LAD1: variants seen among roughly 807,000 people sequenced by gnomAD.
The protein encoded by LAD1 is ladinin-1.
A neutral mutation model predicts 54.2 loss-of-function variants in LAD1; 53 were observed. That is an observed-to-expected ratio of 0.98 (90% CI 0.78 to 1.23). The LOEUF (loss-of-function observed/expected upper bound fraction) is 1.23. LAD1 is among the 50% of genes most tolerant of loss of function. The probability of loss-of-function intolerance (pLI) is 0.00; values close to 1 mark genes in which losing one functional copy is unlikely to be tolerated. For synonymous variants in LAD1, 231 were observed against 257.7 expected (o/e 0.90, Z 0.99); for missense variants, 637 against 653.3 (o/e 0.98, Z 0.27).
chr1:201,391,709 C>G (rs1009247789), intron 1 of LAD1, among the ~76,000 whole-genome samples: 17 of 152,158 alleles, frequency 1.1e-4, no homozygotes, highest in African/African-American at 3.6e-4. Flanking sequence ...CGGGCTGCAT[C>G]TCAGTGAACA....
intron 1 of LAD1, among the ~76,000 whole-genome samples, chr1:201,397,031 C>CCCAG (rs1662302968): frequency 6.6e-6 from 1 of 152,182 alleles, no homozygotes; most frequent in Non-Finnish European, 1.5e-5. Context: ...GACCAGGGCA[C>CCCAG]CCAGCCAGCC....
chr1:201,389,112 G>A, intron 2 of LAD1, 48 bp downstream of exon 2: 2 of 1,588,858 alleles, frequency 1.3e-6, no homozygotes, highest in South Asian at 1.1e-5. Context: ...CTTAGTCTGA[G>A]GCAACCAGTC....
rs566391916 is a variant in LAD1, at chr1:201,385,204, T to A, written c.1132-369A>T. Among the ~76,000 whole-genome samples, 5 of 152,202 alleles carry A rather than the reference T, an allele frequency of 3.3e-5. No homozygotes were observed. The South Asian group carries it at 1.0e-3, about 32-fold the overall frequency. ...CACACATTAGAGGCATGATACCCAA[T>A]GATTGAGTGAATGACCCAGTGAACA... On this transcript the variant is annotated intron_variant, in intron 4 of 9. Transcript: ENST00000391967.
chr1:201,396,422 A>G (rs1481935821), intron 1 of LAD1, among the ~76,000 whole-genome samples: 4 of 151,954 alleles, frequency 2.6e-5, no homozygotes. Context: ...CTACCCTGGG[A>G]ACTTTCTTCC....
Position 201,382,516 on chromosome 1 carries a change from T to TGAAATGACTCCTCCTCTCCC in LAD1, c.1473+117_1473+136dup, listed in dbSNP as rs3831363. Reference sequence around the variant, plus strand: ...ATCTATTCCCGACTGCCTCCACTCCTGAAATGACTCCTCCTCTCCCGAAAT... The same window carrying TGAAATGACTCCTCCTCTCCC: ...ATCTATTCCCGACTGCCTCCACTCCTGAAATGACTCCTCCTCTCCCGAAATGACTCCTCCTCTCCCGAAAT... On this transcript the variant is annotated intron_variant, in intron 8 of 9. Coordinates refer to ENST00000391967, the MANE Select transcript of LAD1 (RefSeq NM_005558.4). 1,951 of 795,826 alleles carry TGAAATGACTCCTCCTCTCCC rather than the reference T, an allele frequency of 2.5e-3. 37 individuals carry two copies. Among genetic ancestry groups the TGAAATGACTCCTCCTCTCCC allele is most frequent in the African/African-American group, 0.023 (1,296 of 56,732 alleles). 49.3% of individuals were successfully genotyped at this position (795,826 alleles called of 1,614,324 possible). A position where few individuals can be genotyped will look rare whatever the true frequency, so the allele number is the denominator to read the frequency against.
At chr1:201,398,736 C>G (rs1430352331) in intron 1 of LAD1, among the ~76,000 whole-genome samples, 3 of 152,178 alleles carry the variant, frequency 2.0e-5, no homozygotes, top group Non-Finnish European at 4.4e-5. Flanking sequence ...GATGCCACCC[C>G]AAAATGCCAT....
chr1:201,392,840 G>A (rs1224599404), intron 1 of LAD1, among the ~76,000 whole-genome samples: 2 of 151,960 alleles, frequency 1.3e-5, no homozygotes, highest in Non-Finnish European at 2.9e-5. Flanking sequence ...CAGAGGACCC[G>A]TCAGAAGGCA....
chr1:201,386,416 C>T lies in LAD1; in HGVS notation c.945G>A (p.Gly315=), dbSNP rs758986811. ...GCTTTGCCAAAGAGGGCAGGTTCTT[C>T]CCAGGGAGGGCCCTTCCTCTCTGCT... The part of the protein sequence containing the change: ...TKEQRGRALP[G]KNLPSLAKQG... Residue 315 remains glycine (G), a synonymous_variant, in exon 3 of 10, where the codon GGG becomes GGA. Transcript: ENST00000391967. 13 of 1,527,284 alleles carry T rather than the reference C, an allele frequency of 8.5e-6. No individual in the cohort carries two copies. The highest frequency in any genetic ancestry group is 1.3e-5 in the South Asian group (1 of 74,956). The allele number at this position is 1,527,284 out of a possible 1,614,324, so 94.6% of individuals were successfully genotyped here.
intron 1 of LAD1, among the ~76,000 whole-genome samples, chr1:201,396,216 T>G (rs1662286366): frequency 6.6e-6 from 1 of 151,572 alleles, no homozygotes; most frequent in Non-Finnish European, 1.5e-5. Flanking sequence ...ACTCCTTCCC[T>G]CTAGACAACC....
At chr1:201,394,746 G>A (rs1274781408) in intron 1 of LAD1, among the ~76,000 whole-genome samples, 2 of 152,134 alleles carry the variant, frequency 1.3e-5, no homozygotes, top group Non-Finnish European at 2.9e-5. Context: ...GATGCACCCC[G>A]TCCCTTGTCC....
At chr1:201,386,048 C>G (rs1662078101) in intron 3 of LAD1, among the ~76,000 whole-genome samples, 1 of 152,188 alleles carries the variant, frequency 6.6e-6, no homozygotes, top group Non-Finnish European at 1.5e-5. Context: ...CCCCACTAGT[C>G]TGCCGGGGTC....
chr1:201,382,315 T>C lies in LAD1; in HGVS notation c.1485A>G (p.Lys495=), dbSNP rs779592814. The change falls in exon 9 of 10, where the codon AAA becomes AAG. Residue 495 remains lysine (K), a synonymous_variant. Coordinates refer to ENST00000391967, the MANE Select transcript of LAD1 (RefSeq NM_005558.4). ...SGDQDPQEAQ[K]ASSATERTQW... ...GAGTCCTCTCGGTTGCAGATGATGCTTTCTGTGCCTCCTGATTGAGGGTAT... is the reference window on the plus strand; with the variant it reads ...GAGTCCTCTCGGTTGCAGATGATGCCTTCTGTGCCTCCTGATTGAGGGTAT... 2.9e-5 allele frequency: 47 copies of C among 1,613,404 alleles called. No homozygotes were observed. The highest frequency in any genetic ancestry group is 1.7e-4 in the Admixed American group (10 of 60,002).
intron 1 of LAD1, among the ~76,000 whole-genome samples, chr1:201,395,044 GA>G (rs1662264291): frequency 6.6e-6 from 1 of 152,172 alleles, no homozygotes; most frequent in Non-Finnish European, 1.5e-5. Context: ...AGAACCCAGG[GA>G]TCCTTGAGTG....
rs544711929 is a variant in LAD1, at chr1:201,382,517, G to A, written c.1473+136C>T. 4 of 746,918 alleles carry A rather than the reference G, an allele frequency of 5.4e-6. No homozygotes were observed. The Admixed American group carries it at 9.4e-5, about 18-fold the overall frequency. 46.3% of individuals were successfully genotyped at this position (746,918 alleles called of 1,614,324 possible). A position where few individuals can be genotyped will look rare whatever the true frequency, so the allele number is the denominator to read the frequency against. ...TCTATTCCCGACTGCCTCCACTCCT[G>A]AAATGACTCCTCCTCTCCCGAAATG... On this transcript the variant is annotated intron_variant, in intron 8 of 9. Transcript: ENST00000391967.
chr1:201,389,445 G>A, intron 1 of LAD1, 142 bp from the exon 2 acceptor site: 1 of 950,510 alleles, frequency 1.1e-6, no homozygotes, highest in Non-Finnish European at 1.5e-6. Flanking sequence ...CTTGAAACGT[G>A]GCTGGTGTGA....
At chr1:201,382,819 G>C (rs1661990919) in intron 7 of LAD1, 80 bp from the exon 8 acceptor site, 1 of 1,148,206 alleles carries the variant, frequency 8.7e-7, no homozygotes. Context: ...GAATGGGATA[G>C]GACTCTCCCT....
In LAD1 at chr1:201,394,687, A is replaced by G. The variant is rs113164495; in HGVS notation, c.38+4582T>C. 8.3e-3 allele frequency among the ~76,000 whole-genome samples: 1,268 copies of G among 152,334 alleles called. 29 individuals are homozygous for G. The highest frequency in any genetic ancestry group is 0.029 in the African/African-American group (1,211 of 41,568). On this transcript the variant is annotated intron_variant, in intron 1 of 9. Transcript: ENST00000391967. ...TTTCTTATTCAGATTTAGAAACGCC[A>G]ACTTCTGCTGGCTTACACGTGAGGC... is the stretch of plus-strand genomic sequence containing the variant.
At chr1:201,394,296 G>A (rs944585655) in intron 1 of LAD1, among the ~76,000 whole-genome samples, 4 of 152,326 alleles carry the variant, frequency 2.6e-5, no homozygotes, top group Non-Finnish European at 5.9e-5. Context: ...AATCTGCCCA[G>A]CTGTCTGCCC....
At chr1:201,382,514 C>T in intron 8 of LAD1, 139 bp downstream of exon 8, 3 of 791,112 alleles carry the variant, frequency 3.8e-6, no homozygotes, top group Non-Finnish European at 6.3e-6. Context: ...TGCCTCCACT[C>T]CTGAAATGAC....
Sources: allele counts gnomAD v4.1 joint callset (sites outside exome capture counted in the v4.1 genomes callset), GRCh38; gene constraint gnomAD v4.1.1; transcripts MANE v1.5; gene names NCBI Gene and HGNC (gene_info 2026-07-23, HGNC 2026-07-21).